DHCR7: variants seen among roughly 807,000 people sequenced by gnomAD.
The protein encoded by DHCR7 is 7-DHC reductase.
Under a neutral mutation model 43.3 loss-of-function variants are expected in DHCR7, and 40 were observed. The observed-to-expected ratio is 0.92, with a 90% CI of 0.72 to 1.20. The LOEUF (loss-of-function observed/expected upper bound fraction) is 1.20, where lower values mean the gene tolerates loss of function less well. Among genes scored for constraint, DHCR7 ranks in the 50% most tolerant of loss-of-function variants. DHCR7 has a pLI of 0.00. For synonymous variants in DHCR7, 298 were observed against 271.4 expected, an observed-to-expected ratio of 1.10 and a Z score of -0.96; for missense variants, 608 against 644.6, an observed-to-expected ratio of 0.94 and a Z score of 0.62.
downstream of DHCR7, among the ~76,000 whole-genome samples, chr11:71,429,997 G>A (rs1949220586): frequency 6.6e-6 from 1 of 152,134 alleles, no homozygotes; most frequent in African/African-American, 2.4e-5. Flanking sequence ...CTGCGGTCTT[G>A]GTCTTCCCAG....
chr11:71,434,271 T>C (rs1949247164), downstream of DHCR7: 1 of 152,168 alleles, frequency 6.6e-6, no homozygotes, highest in South Asian at 2.1e-4. Flanking sequence ...GGGCACCCAA[T>C]GCTTTGACGC....
At position 71,439,250 on chromosome 11, in the gene DHCR7, C is replaced by T. The variant is rs1790325; in HGVS notation, c.627-167G>A. ...CGCTGGGACCCCCACGGCTGGAATG[C>T]TTGTCGGCTGGTTCCTGGCGCCCTC... is the stretch of plus-strand genomic sequence containing the variant. On this transcript the variant is annotated intron_variant, in intron 6 of 8. Coordinates refer to ENST00000355527, the MANE Select transcript of DHCR7 (RefSeq NM_001360.3). Among the ~76,000 whole-genome samples, 127,093 of 152,196 alleles carry T rather than the reference C, an allele frequency of 0.84. 54,536 individuals are homozygous for T. The highest frequency in any genetic ancestry group is 0.95 in the Non-Finnish European group (64,935 of 68,016).
chr11:71,446,562 G>A (rs1277499317), intron 2 of DHCR7, among the ~76,000 whole-genome samples: 1 of 152,250 alleles, frequency 6.6e-6, no homozygotes, highest in Non-Finnish European at 1.5e-5. Context: ...AAGCAAGACT[G>A]TCGGATGTGG....
At chr11:71,448,605 G>T (rs1425865964), upstream of DHCR7, 2 of 152,270 alleles carry the variant, frequency 1.3e-5, no homozygotes, top group Non-Finnish European at 2.9e-5. Flanking sequence ...GGCCCTAGTG[G>T]GTGGGCGCAG....
upstream of DHCR7, chr11:71,448,788 T>A (rs1565591814): frequency 6.6e-6 from 1 of 152,294 alleles, no homozygotes; most frequent in Non-Finnish European, 1.5e-5. Flanking sequence ...ATGGAGCGTA[T>A]GTCCAGGCGC....
At chr11:71,442,234 C>A (rs367804208) in intron 5 of DHCR7, 29 bp downstream of exon 5, 157 of 1,547,656 alleles carry the variant, frequency 1.0e-4, no homozygotes, top group Middle Eastern at 1.7e-4. Flanking sequence ...AGAACGGGAG[C>A]CTGGGGAGGG....
rs775735710 is a variant in DHCR7 at position 71,444,073 on chromosome 11, G to A, written c.241C>T (p.Arg81Trp). ...GTCTTGGCCCAGATGTCCGAGAGCC[G>A]AGCATGTCCGGTGACGATGTCCACC... ...PVVDIVTGHA[R>W]LSDIWAKTPP... Residue 81 changes from arginine (R) to tryptophan (W), a missense_variant, in exon 4 of 9, where the codon CGG becomes TGG. By Grantham distance (101) the Arg-to-Trp change is moderately radical. Coordinates refer to ENST00000355527, the MANE Select transcript of DHCR7 (RefSeq NM_001360.3). 64 of 1,613,556 alleles carry A rather than the reference G, an allele frequency of 4.0e-5. No homozygotes were observed. The highest frequency in any genetic ancestry group is 2.5e-4 in the Admixed American group (15 of 59,930).
At chr11:71,445,034 C>T (rs1949391969) in intron 2 of DHCR7, 76 bp from the exon 3 acceptor site, 1 of 1,306,146 alleles carries the variant, frequency 7.7e-7, no homozygotes, top group Non-Finnish European at 1.1e-6. Context: ...TCCACCACTG[C>T]TCCTGGGCCT....
Position 71,435,562 on chromosome 11 carries a change from C to T in DHCR7, c.1241G>A (p.Gly414Asp). The T allele has an allele frequency of 6.2e-7, 1 of 1,610,754 alleles. No homozygotes were observed. Among genetic ancestry groups the T allele is most frequent in the Non-Finnish European group, 8.5e-7 (1 of 1,179,858 alleles). The change falls in exon 9 of 9, where the codon GGC becomes GAC. Residue 414 changes from glycine (G) to aspartate (D), a missense_variant. Physicochemically the swap from Gly to Asp is moderately conservative, Grantham distance 94. Coordinates refer to ENST00000355527, the MANE Select transcript of DHCR7 (RefSeq NM_001360.3). ...RHFNYVGDLM[G>D]SLAYCLACGG... is the part of the protein sequence containing the mutation. ...ACAGGCCAGGCAGTAGGCCAGGCTG[C>T]CCATCAGGTCGCCGACGTAGTTGAA...
chr11:71,443,687 A>G (rs1206970896), intron 4 of DHCR7, among the ~76,000 whole-genome samples: 1 of 152,200 alleles, frequency 6.6e-6, no homozygotes, highest in Admixed American at 6.5e-5. Context: ...TCCTCAGGAC[A>G]GCACTGCCCT....
chr11:71,442,768 C>G (rs1426763542), intron 4 of DHCR7, among the ~76,000 whole-genome samples: 1 of 152,136 alleles, frequency 6.6e-6, no homozygotes, highest in Non-Finnish European at 1.5e-5. Flanking sequence ...GTGATCCTTC[C>G]ACCTCAGCCT....
Position 71,439,492 on chromosome 11 carries a change from C to T in DHCR7, c.627-409G>A, listed in dbSNP as rs143414596. Among the ~76,000 whole-genome samples, 673 of 152,324 alleles carry T rather than the reference C, an allele frequency of 4.4e-3. 5 individuals carry two copies. Among genetic ancestry groups the T allele is most frequent in the African/African-American group, 0.015 (641 of 41,576 alleles). On this transcript the variant is annotated intron_variant, in intron 6 of 8. Coordinates refer to ENST00000355527, the MANE Select transcript of DHCR7 (RefSeq NM_001360.3). ...GATTACGTTCTGGGGCCCAAGCACACGGTTTGAAGCCGACGCAGGGCACGT... is the reference window on the plus strand; with the variant it reads ...GATTACGTTCTGGGGCCCAAGCACATGGTTTGAAGCCGACGCAGGGCACGT...
downstream of DHCR7, among the ~76,000 whole-genome samples, chr11:71,427,438 A>G (rs1455930228): frequency 2.0e-5 from 3 of 152,202 alleles, no homozygotes; most frequent in Non-Finnish European, 4.4e-5. Context: ...GTTATTGAAA[A>G]ATTGATATGT....
At chr11:71,447,250 A>G (rs760024530) in intron 2 of DHCR7, among the ~76,000 whole-genome samples, 40 of 152,228 alleles carry the variant, frequency 2.6e-4, no homozygotes, top group Non-Finnish European at 5.6e-4. Flanking sequence ...GGAAATTGCA[A>G]AAGGGTCAGG....
At chr11:71,438,752 C>T in intron 7 of DHCR7, 127 bp downstream of exon 7, 2 of 1,029,572 alleles carry the variant, frequency 1.9e-6, no homozygotes, top group Non-Finnish European at 1.5e-6. Context: ...CCTGGTGACA[C>T]CTGGGGAGGG....
chr11:71,435,775 A>C lies in DHCR7; in HGVS notation c.1028T>G (p.Leu343Arg). 6.2e-7 allele frequency: 1 copy of C among 1,609,348 alleles called. No homozygotes were observed. Among genetic ancestry groups the C allele is most frequent in the Non-Finnish European group, 8.5e-7 (1 of 1,176,942 alleles). Residue 343 changes from leucine (L) to arginine (R), a missense_variant, in exon 9 of 9, where the codon CTG (leucine) becomes CGG (arginine). Physicochemically the swap from Leu to Arg is moderately radical, Grantham distance 102 (BLOSUM62 -2). Transcript: ENST00000355527. ...GAAGATGTAGTAGCCCACCAGGCCC[A>C]GCAGCAGGACGCCCACGGCGTGCGG... is the stretch of plus-strand genomic sequence containing the variant. ...STPHAVGVLL[L>R]GLVGYYIFRV...
chr11:71,428,649 G>C (rs975507260), exon 3 of DHCR7: 6 of 341,594 alleles, frequency 1.8e-5, no homozygotes, highest in Non-Finnish European at 2.3e-5. Flanking sequence ...ACCACACCCT[G>C]GAGATCTTAG....
intron 2 of DHCR7, among the ~76,000 whole-genome samples, chr11:71,445,662 A>C (rs1284629561): frequency 6.6e-6 from 1 of 152,204 alleles, no homozygotes; most frequent in African/African-American, 2.4e-5. Flanking sequence ...GACCATCAAT[A>C]ATCACCCTTC....
At chr11:71,441,054 C>T (rs1181820230) in intron 6 of DHCR7, among the ~76,000 whole-genome samples, 173 bp downstream of exon 6, 6 of 152,330 alleles carry the variant, frequency 3.9e-5, no homozygotes, top group Admixed American at 3.3e-4. Context: ...GGAGAAGCCA[C>T]CAAACATTCA....
Sources: gnomAD v4.1 joint callset for allele counts (sites outside exome capture counted in the v4.1 genomes callset) on GRCh38, gnomAD v4.1.1 for gene constraint, MANE v1.5 for transcripts, NCBI Gene and HGNC (gene_info 2026-07-23, HGNC 2026-07-21) for gene names.